Variants in CALD1 observed in about 807,000 individuals in gnomAD.
CALD1 encodes the protein caldesmon.
In CALD1, 33 loss-of-function variants were observed where a neutral mutation model predicts 99.9. The observed-to-expected ratio is 0.33, with a 90% CI of 0.25 to 0.44. The LOEUF is 0.44. Ranked by LOEUF, CALD1 falls within the 20% of genes least tolerant of loss-of-function variation. The pLI is 1.00. For missense variants in CALD1, 861 were observed against 962.1 expected, an observed-to-expected ratio of 0.89 and a Z score of 1.39; for synonymous variants, 310 against 325.0, an observed-to-expected ratio of 0.95 and a Z score of 0.50.
At chr7:134,827,959 G>T (rs1799070101) in intron 1 of CALD1, among the ~76,000 whole-genome samples, 1 of 152,104 alleles carries the variant, frequency 6.6e-6, no homozygotes. Context: ...TATTCATCTT[G>T]CCTGTGACTG....
intron 3 of CALD1, among the ~76,000 whole-genome samples, chr7:134,885,951 A>C (rs1801832705): frequency 6.6e-6 from 1 of 152,054 alleles, no homozygotes; most frequent in African/African-American, 2.4e-5. Context: ...AGCACCGTTT[A>C]TTGTTTTAAA....
At position 134,933,656 on chromosome 7, in the gene CALD1, A is replaced by C. The variant is rs1293584034; in HGVS notation, c.887A>C (p.Glu296Ala). 1 of 1,603,324 alleles carries C rather than the reference A, an allele frequency of 6.2e-7. No individual in the cohort carries two copies. The highest frequency in any genetic ancestry group is 8.5e-7 in the Non-Finnish European group (1 of 1,174,246). ...ATAGCAGATGAACGAGCAAGAATTGAAGCAGAAGAAAAAGCAGCTGCCCAA... is the reference window on the plus strand; with the variant it reads ...ATAGCAGATGAACGAGCAAGAATTGCAGCAGAAGAAAAAGCAGCTGCCCAA... ...KKIADERARI[E>A]AEEKAAAQER... The change falls in exon 5 of 15, where the codon GAA (glutamate) becomes GCA (alanine). Residue 296 changes from glutamate to alanine, a missense_variant. This residue lies in a region of CALD1 where 234 missense variants were observed against 233.1 expected (regional missense o/e 1.00). Coordinates refer to ENST00000361675, the MANE Select transcript of CALD1 (RefSeq NM_033138.4).
At chr7:134,893,101 T>C (rs375070146) in intron 3 of CALD1, among the ~76,000 whole-genome samples, 1 of 152,206 alleles carries the variant, frequency 6.6e-6, no homozygotes, top group African/African-American at 2.4e-5. Context: ...CTCATGGTCC[T>C]GAGGCTTGTT....
At chr7:134,814,910 AAAATAAGG>A (rs1798498780) in intron 1 of CALD1, among the ~76,000 whole-genome samples, 1 of 152,136 alleles carries the variant, frequency 6.6e-6, no homozygotes, top group Non-Finnish European at 1.5e-5. Context: ...TCTTCTCTGT[AAAATAAGG>A]GAGCTGGATC....
chr7:134,786,783 C>T (rs1224589587), intron 1 of CALD1, among the ~76,000 whole-genome samples: 1 of 152,174 alleles, frequency 6.6e-6, no homozygotes, highest in African/African-American at 2.4e-5. Flanking sequence ...ACATTACTTC[C>T]CCTGATAGTA....
chr7:134,859,913 G>T (rs865999614), intron 2 of CALD1, among the ~76,000 whole-genome samples: 8 of 152,142 alleles, frequency 5.3e-5, no homozygotes, highest in African/African-American at 1.9e-4. Context: ...AGGGCATAAA[G>T]ACATTGGCTT....
the CALD1 span, among the ~76,000 whole-genome samples, chr7:134,725,292 C>T: frequency 6.6e-6 from 1 of 152,186 alleles, no homozygotes; most frequent in Non-Finnish European, 1.5e-5. Context: ...TCAGGCCTGT[C>T]ATCCATGGAA....
chr7:134,874,116 G>A (rs946686711), intron 3 of CALD1, among the ~76,000 whole-genome samples: 2 of 152,104 alleles, frequency 1.3e-5, no homozygotes, highest in Non-Finnish European at 2.9e-5. Flanking sequence ...ACCAGTTTAA[G>A]TTATTTTTAA....
intron 3 of CALD1, among the ~76,000 whole-genome samples, chr7:134,901,796 T>C (rs972297356): frequency 6.6e-6 from 1 of 152,082 alleles, no homozygotes; most frequent in Non-Finnish European, 1.5e-5. Flanking sequence ...TACGGCATTC[T>C]CCCTATGTCT....
chr7:134,783,465 G>A lies in CALD1; in HGVS notation c.-130+3716G>A, dbSNP rs1797187425. Among the ~76,000 whole-genome samples, 1 of 152,148 alleles carries A rather than the reference G, an allele frequency of 6.6e-6. No individual in the cohort carries two copies. Among genetic ancestry groups the A allele is most frequent in the South Asian group, 2.1e-4 (1 of 4,820 alleles). ...AGGGAAAGCCACTTGCACAGACAGA[G>A]GAGATGTCAGAGCATGTTTTGTGGT... On this transcript the variant is annotated intron_variant, in intron 1 of 14. Transcript: ENST00000361675. The surrounding 1 kb of genome is among the most constrained non-coding windows in gnomAD (Gnocchi z 4.3).
intron 3 of CALD1, among the ~76,000 whole-genome samples, chr7:134,918,001 G>A (rs1406655379): frequency 6.6e-6 from 1 of 152,160 alleles, no homozygotes; most frequent in Non-Finnish European, 1.5e-5. Context: ...GTGAATGTTT[G>A]TATCTGAGCA....
intron 3 of CALD1, among the ~76,000 whole-genome samples, chr7:134,897,618 A>C (rs1255679238): frequency 2.0e-5 from 3 of 152,080 alleles, no homozygotes; most frequent in Non-Finnish European, 4.4e-5. Context: ...CAGCTTAGGA[A>C]GCTATGTTGG....
intron 13 of CALD1, chr7:134,961,099 AT>A (rs767937441): frequency 2.0e-5 from 3 of 152,448 alleles, no homozygotes; most frequent in Non-Finnish European, 4.4e-5. Context: ...AAATGCAGTT[AT>A]TGGGTAGCTG....
chr7:134,753,792 T>A (rs1050247004), intron 1 of CALD1, among the ~76,000 whole-genome samples: 1 of 152,184 alleles, frequency 6.6e-6, no homozygotes, highest in African/African-American at 2.4e-5. Flanking sequence ...GTAGCTATTG[T>A]CTATAATTTA....
At chr7:134,899,717 C>T (rs1802849160) in intron 3 of CALD1, 1 of 152,384 alleles carries the variant, frequency 6.6e-6, no homozygotes, top group Non-Finnish European at 1.5e-5. Flanking sequence ...TATCTCAGCT[C>T]ACTGCAGCCT....
intron 13 of CALD1, among the ~76,000 whole-genome samples, chr7:134,964,293 A>G (rs1349966748): frequency 6.6e-6 from 1 of 152,208 alleles, no homozygotes; most frequent in Non-Finnish European, 1.5e-5. Context: ...GTGGAGGTGA[A>G]GAAAACCCTA....
chr7:134,719,116 A>G, the CALD1 span, among the ~76,000 whole-genome samples: 2 of 152,194 alleles, frequency 1.3e-5, no homozygotes, highest in East Asian at 3.8e-4. Flanking sequence ...AGCTAGTCCA[A>G]TGTTCTTTCT....
chr7:134,886,480 G>A (rs916145016), intron 3 of CALD1, among the ~76,000 whole-genome samples: 1 of 152,220 alleles, frequency 6.6e-6, no homozygotes, highest in Non-Finnish European at 1.5e-5. Flanking sequence ...TGAAAATGAT[G>A]TTAGGATGTG....
intron 6 of CALD1, among the ~76,000 whole-genome samples, chr7:134,939,949 G>C (rs1211724160): frequency 6.6e-6 from 1 of 151,924 alleles, no homozygotes; most frequent in Non-Finnish European, 1.5e-5. Flanking sequence ...GGGCAACAGA[G>C]CAAGACTCTG....
Sources: allele counts gnomAD v4.1 joint callset (sites outside exome capture counted in the v4.1 genomes callset), GRCh38; gene constraint gnomAD v4.1.1; regional missense constraint gnomAD v4.1.1; non-coding constraint Gnocchi (gnomAD v3.1); transcripts MANE v1.5; gene names NCBI Gene and HGNC (gene_info 2026-07-23, HGNC 2026-07-21).